The following ZNF81 variants were observed in gnomAD, a reference collection of about 807,000 sequenced individuals.
ZNF81 encodes the protein zinc finger protein 81.
ZNF81 carries 5 observed loss-of-function variants against 32.3 expected under a neutral mutation model. The observed-to-expected ratio is 0.15, with a 90% CI of 0.08 to 0.33. ZNF81 has a LOEUF of 0.33. Ranked by LOEUF, ZNF81 falls within the 10% of genes least tolerant of loss-of-function variation. ZNF81 has a pLI of 1.00. For synonymous variants in ZNF81, 163 were observed against 166.8 expected (o/e 0.98, Z 0.17); for missense variants, 379 against 479.8 (o/e 0.79, Z 1.96).
chrX:47,899,290 G>GC (rs1556887617), intron 4 of ZNF81, among the ~76,000 whole-genome samples: 1 of 101,695 alleles, frequency 9.8e-6, no homozygotes, highest in Non-Finnish European at 2.0e-5. Flanking sequence ...TTGTTTCATA[G>GC]TTTTTTTTTT....
At chrX:47,854,170 C>T (rs1569375082) in intron 2 of ZNF81, among the ~76,000 whole-genome samples, 1 of 112,435 alleles carries the variant, frequency 8.9e-6, no homozygotes, top group Non-Finnish European at 1.9e-5. Flanking sequence ...TTAAGCCTCA[C>T]GAACCAACCT....
intron 2 of ZNF81, among the ~76,000 whole-genome samples, chrX:47,884,331 G>A (rs782608079): frequency 9.2e-6 from 1 of 108,492 alleles, no homozygotes; most frequent in Non-Finnish European, 1.9e-5. Context: ...CTCTGATGAA[G>A]GAAGGTGCCA....
At position 47,919,157 on chromosome X, in the gene ZNF81, T is replaced by G. The variant is rs972556826; in HGVS notation, c.*2525T>G. On this transcript the variant is annotated 3_prime_UTR_variant, in exon 5 of 5. Transcript: ENST00000338637. ...AGGGGTGAACACATTTTGCATGGGG[T>G]GGTAATGTGAATACTTTGTGACCAG... 2 of 328,446 alleles carry G rather than the reference T, an allele frequency of 6.1e-6. No individual in the cohort carries two copies. Among genetic ancestry groups the G allele is most frequent in the African/African-American group, 5.3e-5 (2 of 37,486 alleles). 27.1% of individuals were successfully genotyped at this position (328,446 alleles called of 1,213,427 possible). A position where few individuals can be genotyped will look rare whatever the true frequency, so the allele number is the denominator to read the frequency against.
intron 2 of ZNF81, among the ~76,000 whole-genome samples, chrX:47,867,342 A>G (rs1556883387): frequency 8.9e-6 from 1 of 112,409 alleles, no homozygotes. Context: ...AGCAGAGGAA[A>G]GATTTACAAA....
chrX:47,907,108 G>A (rs2148040375), intron 4 of ZNF81, among the ~76,000 whole-genome samples: 1 of 96,415 alleles, frequency 1.0e-5, no homozygotes, highest in South Asian at 5.4e-4. Flanking sequence ...TAGAAATTTA[G>A]ATTTTAAAAG....
intron 2 of ZNF81, among the ~76,000 whole-genome samples, chrX:47,873,641 T>G (rs925300721): frequency 1.8e-5 from 2 of 111,899 alleles, no homozygotes; most frequent in Non-Finnish European, 3.8e-5. Flanking sequence ...AACTGAACAG[T>G]TAACGCAGTG....
intron 1 of ZNF81, among the ~76,000 whole-genome samples, chrX:47,837,451 A>G (rs1254719423): frequency 8.9e-6 from 1 of 112,166 alleles, no homozygotes; most frequent in Non-Finnish European, 1.9e-5. Flanking sequence ...TTCTTCTATT[A>G]CTTCGAGGAG....
intron 3 of ZNF81, among the ~76,000 whole-genome samples, chrX:47,893,804 AAAG>A (rs201834395): frequency 0.012 from 912 of 74,313 alleles, 10 homozygotes; most frequent in African/African-American, 0.035. Flanking sequence ...CAAAAAAAAA[AAAG>A]AAAAAATCAA....
chrX:47,909,661 G>T (rs1190239462), intron 4 of ZNF81, among the ~76,000 whole-genome samples: 1 of 106,177 alleles, frequency 9.4e-6, no homozygotes, highest in African/African-American at 3.5e-5. Flanking sequence ...ACAATATGCA[G>T]GTTAGTTACA....
rs2058628921 is a variant in ZNF81, at chrX:47,883,484, G to A, written c.55-4515G>A. On this transcript the variant is annotated intron_variant, in intron 2 of 4. Transcript: ENST00000338637. ...AGAAATCCATGCTTACGTCAAGGTT[G>A]CAAAGATAACCTCTTACATTTCCTT... is the stretch of plus-strand genomic sequence containing the variant. 3.6e-5 allele frequency among the ~76,000 whole-genome samples: 4 copies of A among 112,151 alleles called. No homozygotes were observed. The Admixed American group carries it at 3.8e-4, about 11-fold the overall frequency.
At chrX:47,913,032 C>T (rs1361453174) in intron 4 of ZNF81, among the ~76,000 whole-genome samples, 1 of 110,390 alleles carries the variant, frequency 9.1e-6, no homozygotes, top group East Asian at 2.8e-4. Flanking sequence ...TAATGTAGGT[C>T]CAAGAAAACA....
chrX:47,920,244 G>A lies in ZNF81; in HGVS notation c.*3612G>A, dbSNP rs2058771604. 8.9e-6 allele frequency: 1 copy of A among 112,011 alleles called. No homozygotes were observed. The highest frequency in any genetic ancestry group is 3.2e-5 in the African/African-American group (1 of 30,772). The allele number at this position is 112,011 out of a possible 1,213,427, so 9.2% of individuals were successfully genotyped here. A position where few individuals can be genotyped will look rare whatever the true frequency, so the allele number is the denominator to read the frequency against. On this transcript the variant is annotated 3_prime_UTR_variant, in exon 5 of 5. Transcript: ENST00000338637. Reference sequence around the variant, plus strand: ...TTTTCCCAGACCACACTTGCCTTTAGGCCTGTAGGCCTTTCCTGTGTGCCT... The same window carrying A: ...TTTTCCCAGACCACACTTGCCTTTAAGCCTGTAGGCCTTTCCTGTGTGCCT...
intron 4 of ZNF81, among the ~76,000 whole-genome samples, chrX:47,909,232 C>T (rs977339014): frequency 8.0e-5 from 9 of 112,145 alleles, no homozygotes; most frequent in African/African-American, 2.9e-4. Flanking sequence ...CACATTTATG[C>T]CAACACTCAG....
rs138765308 is a variant in ZNF81, at chrX:47,871,527, T to C, written c.55-16472T>C. 7.8e-3 allele frequency among the ~76,000 whole-genome samples: 867 copies of C among 111,829 alleles called. 4 individuals are homozygous for C. Among genetic ancestry groups the C allele is most frequent in the Non-Finnish European group, 0.013 (667 of 53,213 alleles). ...ATCAAATATGCATTTTGAACGGGAA[T>C]ATCAGAAAAATCAGGTTGCTGCCTA... On this transcript the variant is annotated intron_variant, in intron 2 of 4. Coordinates refer to ENST00000338637, the MANE Select transcript of ZNF81 (RefSeq NM_007137.5).
chrX:47,853,993 A>G (rs940043465), intron 2 of ZNF81, among the ~76,000 whole-genome samples: 1 of 112,773 alleles, frequency 8.9e-6, no homozygotes, highest in Non-Finnish European at 1.9e-5. Context: ...TTCTTCCAAT[A>G]TAAGGCTGTT....
In ZNF81 at chrX:47,918,449, T is replaced by G. The variant is rs1239508547; in HGVS notation, c.*1817T>G. The G allele has an allele frequency of 9.0e-6, 1 of 111,476 alleles. No individual in the cohort carries two copies. Among genetic ancestry groups the G allele is most frequent in the African/African-American group, 3.3e-5 (1 of 30,613 alleles). The allele number at this position is 111,476 out of a possible 1,213,427, so 9.2% of individuals were successfully genotyped here. On this transcript the variant is annotated 3_prime_UTR_variant, in exon 5 of 5. Transcript: ENST00000338637. ...TAGAAGCCTGACATACTACTCAAAG[T>G]GGAGAGAGACCTATCTTAAAAAGAA...
Position 47,846,262 on chromosome X carries a change from G to A in ZNF81, c.-6G>A. On this transcript the variant is annotated 5_prime_UTR_variant, in exon 2 of 5. Transcript: ENST00000338637. ...CCCAGGGCTGAAGTCCAAGTCCGTC[G>A]GGAACATGCCAGCTAACGAGGACGC... The A allele has an allele frequency of 5.0e-6, 6 of 1,208,519 alleles. No individual in the cohort carries two copies. The highest frequency in any genetic ancestry group is 6.7e-6 in the Non-Finnish European group (6 of 894,602).
At chrX:47,849,795 T>C (rs1400797716) in intron 2 of ZNF81, among the ~76,000 whole-genome samples, 1 of 111,625 alleles carries the variant, frequency 9.0e-6, no homozygotes, top group Admixed American at 9.5e-5. Flanking sequence ...AAAAGCAGAA[T>C]ACCCACTAGT....
intron 1 of ZNF81, among the ~76,000 whole-genome samples, chrX:47,843,652 T>C (rs1195833848): frequency 5.4e-5 from 6 of 111,697 alleles, no homozygotes; most frequent in African/African-American, 2.0e-4. Context: ...TCTTCCTGAA[T>C]AGCTGGAACT....
Sources: allele counts gnomAD v4.1 joint callset (sites outside exome capture counted in the v4.1 genomes callset), GRCh38; gene constraint gnomAD v4.1.1; transcripts MANE v1.5; gene names NCBI Gene and HGNC (gene_info 2026-07-23, HGNC 2026-07-21).